TRIM10: variants seen among roughly 807,000 people sequenced by gnomAD.
TRIM10 encodes tripartite motif-containing protein 10.
Under a neutral mutation model 40.0 loss-of-function variants are expected in TRIM10, and 42 were observed. That is an observed-to-expected ratio of 1.05 (90% CI 0.82 to 1.36). The LOEUF is 1.36. Among genes scored for constraint, TRIM10 ranks in the 40% most tolerant of loss-of-function variants. The pLI is 0.00. For synonymous variants in TRIM10, 260 were observed against 239.5 expected, an observed-to-expected ratio of 1.09 and a Z score of -0.79; for missense variants, 601 against 608.3, an observed-to-expected ratio of 0.99 and a Z score of 0.13.
chr6:30,163,768 C>T (rs1581590839), upstream of TRIM10: 1 of 1,613,028 alleles, frequency 6.2e-7, no homozygotes, highest in South Asian at 1.1e-5. Flanking sequence ...ATGCGGTGAC[C>T]ATTCCCTGTG....
At chr6:30,156,666 T>C (rs188647085) in intron 5 of TRIM10, 61 of 536,926 alleles carry the variant, frequency 1.1e-4, no homozygotes, top group African/African-American at 1.0e-3. Context: ...ATCATTATCT[T>C]TCATATTGCT....
intron 6 of TRIM10, among the ~76,000 whole-genome samples, 183 bp downstream of exon 6, chr6:30,155,544 C>T (rs1772453799): frequency 6.6e-6 from 1 of 151,094 alleles, no homozygotes; most frequent in South Asian, 2.1e-4. Context: ...CCTATATATA[C>T]ACACATGTAT....
intron 4 of TRIM10, 128 bp from the exon 5 acceptor site, chr6:30,157,182 G>T: frequency 8.8e-7 from 1 of 1,139,842 alleles, no homozygotes; most frequent in Non-Finnish European, 1.3e-6. Context: ...CCTCTAGGAT[G>T]AATCCCACTG....
Position 30,160,851 on chromosome 6 carries a change from G to A in TRIM10, c.8C>T (p.Ser3Phe), listed in dbSNP as rs1350752247. MA[S>F]AASVTSLADE... Reference sequence around the variant, plus strand: ...TGCCAGGCTGGTCACAGAGGCAGCAGAGGCCATGCTGGTCCTGCTGCTATG... The same window carrying A: ...TGCCAGGCTGGTCACAGAGGCAGCAAAGGCCATGCTGGTCCTGCTGCTATG... The change falls in exon 1 of 7, where the codon TCT becomes TTT. Residue 3 changes from serine (S) to phenylalanine (F), a missense_variant. Coordinates refer to ENST00000449742, the MANE Select transcript of TRIM10 (RefSeq NM_006778.4). 2 of 1,608,546 alleles carry A rather than the reference G, an allele frequency of 1.2e-6. No homozygotes were observed. The highest frequency in any genetic ancestry group is 8.5e-7 in the Non-Finnish European group (1 of 1,178,820).
upstream of TRIM10, chr6:30,163,726 T>C (rs35278640): frequency 0.016 from 26,299 of 1,612,742 alleles, 370 homozygotes; most frequent in African/African-American, 0.051. Context: ...ATGAGCTGCC[T>C]GCCTGTACCC....
intron 2 of TRIM10, 67 bp from the exon 3 acceptor site, chr6:30,158,696 C>A: frequency 7.9e-7 from 1 of 1,269,892 alleles, no homozygotes; most frequent in Admixed American, 1.7e-5. Context: ...TCCTCTTCCT[C>A]CCCTGTCCCC....
intron 6 of TRIM10, chr6:30,154,776 T>A: frequency 1.5e-6 from 1 of 673,586 alleles, no homozygotes; most frequent in African/African-American, 1.8e-5. Context: ...TCGGGAAAGC[T>A]CTTCTGCTCA....
At position 30,158,485 on chromosome 6, in the gene TRIM10, G is replaced by T; in HGVS notation, c.670C>A (p.Leu224Met). Residue 224 changes from leucine (L) to methionine (M), a missense_variant, in exon 3 of 7, where the codon CTG (leucine) becomes ATG (methionine). Leu to Met is a conservative substitution (Grantham distance 15, BLOSUM62 2). Transcript: ENST00000449742. ...AACCGGCAGATCTCCCCAGCAACCA[G>T]CAAATCAAATTCATCCCGTTGCCTC... ...ILRQRDEFDL[L>M]VAGEICRFSA... is the part of the protein sequence containing the mutation. The T allele has an allele frequency of 1.2e-6, 2 of 1,613,070 alleles. No homozygotes were observed. The highest frequency in any genetic ancestry group is 1.7e-6 in the Non-Finnish European group (2 of 1,180,014).
rs543644545 is a variant in TRIM10 at position 30,160,655 on chromosome 6, G to T, written c.204C>A (p.Ser68Arg). ...TAGCCAGCTGCCAGTTGGGCCGGAA[G>T]CTCCCAGGACGGAAGGGTTCTTTGC... ...PLCKEPFRPG[S>R]FRPNWQLANV... Residue 68 changes from serine (S) to arginine (R), a missense_variant, in exon 1 of 7, where the codon AGC becomes AGA. Ser to Arg is a moderately radical substitution (Grantham distance 110). Transcript: ENST00000449742. 6.2e-7 allele frequency: 1 copy of T among 1,614,152 alleles called. No individual in the cohort carries two copies. Among genetic ancestry groups the T allele is most frequent in the Non-Finnish European group, 8.5e-7 (1 of 1,180,054 alleles).
rs995989117 is a variant in TRIM10 at position 30,152,112 on chromosome 6, C to T, written c.*1857G>A. 1 of 152,094 alleles carries T rather than the reference C, an allele frequency of 6.6e-6. No homozygotes were observed. Among genetic ancestry groups the T allele is most frequent in the Non-Finnish European group, 1.5e-5 (1 of 68,022 alleles). The allele number at this position is 152,094 out of a possible 1,614,324, so 9.4% of individuals were successfully genotyped here. On this transcript the variant is annotated 3_prime_UTR_variant, in exon 7 of 7. Coordinates refer to ENST00000449742, the MANE Select transcript of TRIM10 (RefSeq NM_006778.4). ...GGGGTGTAGCCAGCATTAAAATAATCGCCAGGACCCATGCAGGCATCTATC... is the reference window on the plus strand; with the variant it reads ...GGGGTGTAGCCAGCATTAAAATAATTGCCAGGACCCATGCAGGCATCTATC...
At position 30,154,368 on chromosome 6, in the gene TRIM10, G is replaced by T; in HGVS notation, c.1047C>A (p.Asp349Glu). ...TGTGGGCCAGAACACAGGTGGCCCG[G>T]TCAAAACGTTGGGGGTTGTCTGGTG... ...QNSPDNPQRF[D>E]RATCVLAHTG... is the part of the protein sequence containing the mutation. The change falls in exon 7 of 7, where the codon GAC becomes GAA. Residue 349 changes from aspartate to glutamate, a missense_variant. Physicochemically the swap from Asp to Glu is conservative, Grantham distance 45. Coordinates refer to ENST00000449742, the MANE Select transcript of TRIM10 (RefSeq NM_006778.4). 1.9e-6 allele frequency: 3 copies of T among 1,613,090 alleles called. No individual in the cohort carries two copies. The highest frequency in any genetic ancestry group is 2.5e-6 in the Non-Finnish European group (3 of 1,180,024).
At chr6:30,163,485 G>T (rs1773300144), upstream of TRIM10, 1 of 682,230 alleles carries the variant, frequency 1.5e-6, no homozygotes, top group Non-Finnish European at 2.4e-6. Context: ...TGGTGGCCAG[G>T]GTTCTAGGGA....
chr6:30,163,242 T>G, upstream of TRIM10: 1 of 177,894 alleles, frequency 5.6e-6, no homozygotes. Context: ...AGCCAGAAGT[T>G]TATGGCTCCC....
chr6:30,161,850 G>T (rs950945318), upstream of TRIM10, among the ~76,000 whole-genome samples: 1 of 152,148 alleles, frequency 6.6e-6, no homozygotes, highest in Non-Finnish European at 1.5e-5. Flanking sequence ...GTCTAAACAG[G>T]TGAAAGTAAT....
chr6:30,156,922 G>C lies in TRIM10; in HGVS notation c.895+17C>G. The C allele has an allele frequency of 1.2e-6, 2 of 1,610,098 alleles. No homozygotes were observed. Among genetic ancestry groups the C allele is most frequent in the Non-Finnish European group, 1.7e-6 (2 of 1,177,418 alleles). ...TCATGGCCACCTGCGCTCTGTGGAG[G>C]CCTGGGGTTCTCTTACCCAGAAACA... is the stretch of plus-strand genomic sequence containing the variant. On this transcript the variant is annotated intron_variant, in intron 5 of 6. Coordinates refer to ENST00000449742, the MANE Select transcript of TRIM10 (RefSeq NM_006778.4).
chr6:30,160,735 G>A lies in TRIM10; in HGVS notation c.124C>T (p.Arg42Cys), dbSNP rs760940395. Residue 42 changes from arginine to cysteine, a missense_variant, in exon 1 of 7, where the codon CGC (arginine) becomes TGC (cysteine). Arg to Cys is a radical substitution (Grantham distance 180). Coordinates refer to ENST00000449742, the MANE Select transcript of TRIM10 (RefSeq NM_006778.4). ...TCTGGGCCTGGTATCTCACAGTAGC[G>A]GGTAAGGCAGGCCCGGCAGAAGTTG... Reference protein sequence around the residue: ...GHNFCRACLTRYCEIPGPDLE... With the variant: ...GHNFCRACLTCYCEIPGPDLE... 1.5e-5 allele frequency: 24 copies of A among 1,614,094 alleles called. No homozygotes were observed. Among genetic ancestry groups the A allele is most frequent in the East Asian group, 6.7e-5 (3 of 44,896 alleles).
chr6:30,156,594 TTATC>T (rs1772552317), intron 5 of TRIM10, among the ~76,000 whole-genome samples: 1 of 152,230 alleles, frequency 6.6e-6, no homozygotes, highest in Non-Finnish European at 1.5e-5. Flanking sequence ...CATCAAAAAC[TTATC>T]ACATATTACA....
In TRIM10 at chr6:30,160,542, ATCT is replaced by A. The variant is rs775462043; in HGVS notation, c.314_316del (p.Lys105del). 254 of 1,614,182 alleles carry A rather than the reference ATCT, an allele frequency of 1.6e-4. No individual in the cohort carries two copies. The African/African-American group carries it at 2.9e-3, about 18-fold the overall frequency. On this transcript the variant is annotated inframe_deletion, in exon 1 of 7. Transcript: ENST00000449742. ...CTCATCATCCTCACAGAAGAAGTAG[ATCT>A]TCTCTCCGTGCTCTTGGCAGACATC... is the stretch of plus-strand genomic sequence containing the variant.
chr6:30,154,160 G>C lies in TRIM10; in HGVS notation c.1255C>G (p.Pro419Ala). 6.2e-7 allele frequency: 1 copy of C among 1,612,518 alleles called. No individual in the cohort carries two copies. ...TGCTCCTTCAGGGTCAGCCGTGTGG[G>C]GAAGGAGCCCAGAGCCGAGACGAAG... Reference protein sequence around the residue: ...WGFVSALGSFPTRLTLKEQPR... With the variant: ...WGFVSALGSFATRLTLKEQPR... Residue 419 changes from proline to alanine, a missense_variant, in exon 7 of 7, where the codon CCC becomes GCC. Transcript: ENST00000449742.
Sources: gnomAD v4.1 joint callset for allele counts (sites outside exome capture counted in the v4.1 genomes callset) on GRCh38, gnomAD v4.1.1 for gene constraint, MANE v1.5 for transcripts, NCBI Gene and HGNC (gene_info 2026-07-23, HGNC 2026-07-21) for gene names.